DENND4C: variants seen among roughly 807,000 people sequenced by gnomAD.
DENND4C encodes DENN domain containing 4C.
DENND4C carries 108 observed loss-of-function variants against 203.0 expected under a neutral mutation model. The observed-to-expected ratio is 0.53, with a 90% CI of 0.46 to 0.62. DENND4C has a LOEUF of 0.62. Among genes scored for constraint, DENND4C ranks in the 20% least tolerant of loss-of-function variants. The pLI, the probability that DENND4C is intolerant of heterozygous loss-of-function variation, is 0.00. For missense variants in DENND4C, 2,481 were observed against 2,301.2 expected, an observed-to-expected ratio of 1.08 and a Z score of -1.60; for synonymous variants, 871 against 792.4, an observed-to-expected ratio of 1.10 and a Z score of -1.67.
intron 1 of DENND4C, among the ~76,000 whole-genome samples, chr9:19,271,576 A>T (rs1162774448): frequency 1.3e-5 from 2 of 152,176 alleles, no homozygotes; most frequent in African/African-American, 4.8e-5. Flanking sequence ...GAAAAAGAAC[A>T]GCAGTGAGGC....
intron 12 of DENND4C, among the ~76,000 whole-genome samples, chr9:19,323,897 C>G (rs916637201): frequency 6.6e-6 from 1 of 152,116 alleles, no homozygotes; most frequent in Non-Finnish European, 1.5e-5. Flanking sequence ...TTGAGCTTCC[C>G]TAATCTAAAA....
chr9:19,336,820 C>T lies in DENND4C; in HGVS notation c.2869C>T (p.His957Tyr), dbSNP rs1820582512. The T allele has an allele frequency of 1.3e-6, 2 of 1,549,070 alleles. No homozygotes were observed. The highest frequency in any genetic ancestry group is 2.7e-5 in the African/African-American group (2 of 73,142). The change falls in exon 20 of 33, where the codon CAC (histidine) becomes TAC (tyrosine). Residue 957 changes from histidine to tyrosine, a missense_variant. His to Tyr is a moderately conservative substitution (Grantham distance 83). Coordinates refer to ENST00000434457, the MANE Select transcript of DENND4C (RefSeq NM_001330640.2). ...DLIRLESIDNHSSTGGQSDQG... is the reference protein window; with the variant it reads ...DLIRLESIDNYSSTGGQSDQG... ...AATCAGGCTTGAGTCCATTGATAATCACTCTAGCACAGGTACTAAAATCCA... is the reference window on the plus strand; with the variant it reads ...AATCAGGCTTGAGTCCATTGATAATTACTCTAGCACAGGTACTAAAATCCA...
At chr9:19,351,935 T>C (rs949288886) in intron 24 of DENND4C, 138 bp from the exon 25 acceptor site, 3 of 617,366 alleles carry the variant, frequency 4.9e-6, no homozygotes, top group African/African-American at 1.8e-5. Flanking sequence ...TTTCTATGTA[T>C]GCATACATTT....
At chr9:19,271,872 A>G (rs1831763053) in intron 1 of DENND4C, among the ~76,000 whole-genome samples, 1 of 149,890 alleles carries the variant, frequency 6.7e-6, no homozygotes, top group Non-Finnish European at 1.5e-5. Flanking sequence ...TCTGTCTCAA[A>G]AAAAAAAAAA....
chr9:19,280,980 A>G (rs886925106), intron 2 of DENND4C, among the ~76,000 whole-genome samples: 1 of 152,072 alleles, frequency 6.6e-6, no homozygotes, highest in Admixed American at 6.6e-5. Context: ...GACTCAAGCA[A>G]TCTGCTCACC....
chr9:19,293,642 G>A (rs1588859789), intron 5 of DENND4C, among the ~76,000 whole-genome samples: 1 of 152,200 alleles, frequency 6.6e-6, no homozygotes, highest in South Asian at 2.1e-4. Context: ...GGAATGGGCA[G>A]ATCAGAGGAA....
rs769465095 is a variant in DENND4C at position 19,342,666 on chromosome 9, A to T, written c.3038A>T (p.His1013Leu). The T allele has an allele frequency of 6.2e-7, 1 of 1,609,946 alleles. No individual in the cohort carries two copies. ...VCDASAIVAK[H>L]SQPSPEPHSP... is the part of the protein sequence containing the mutation. ...GATGCCTCTGCTATTGTGGCAAAAC[A>T]TTCACAACCTAGTCCAGAGCCTCAC... The change falls in exon 22 of 33, where the codon CAT becomes CTT. Residue 1013 changes from histidine to leucine, a missense_variant. Physicochemically the swap from His to Leu is moderately conservative, Grantham distance 99. Around this residue, in one of 3 missense-constraint regions of DENND4C, gnomAD observed 2,289 missense variants for 2,113.3 expected, o/e 1.08. Transcript: ENST00000434457.
chr9:19,231,031 G>A (rs563045301), intron 1 of DENND4C, among the ~76,000 whole-genome samples, 198 bp downstream of exon 1: 1 of 152,342 alleles, frequency 6.6e-6, no homozygotes, highest in South Asian at 2.1e-4. Context: ...CGCGGTTTCC[G>A]GGGGCGGGGA....
At chr9:19,274,565 G>T (rs1832472975) in intron 1 of DENND4C, among the ~76,000 whole-genome samples, 1 of 152,176 alleles carries the variant, frequency 6.6e-6, no homozygotes, top group Admixed American at 6.5e-5. Context: ...AAAGTGCTGG[G>T]ATTACAGGCG....
intron 9 of DENND4C, among the ~76,000 whole-genome samples, chr9:19,303,638 A>G (rs932314877): frequency 2.3e-4 from 35 of 152,184 alleles, no homozygotes; most frequent in Non-Finnish European, 5.1e-4. Flanking sequence ...CAAGTGCCCA[A>G]ATATTAAGTA....
chr9:19,244,981 C>G (rs1027871978), intron 1 of DENND4C, among the ~76,000 whole-genome samples: 8 of 152,064 alleles, frequency 5.3e-5, no homozygotes, highest in Admixed American at 1.3e-4. Context: ...TAGAAAAAAA[C>G]TTTATTAGAA....
At chr9:19,281,374 C>G (rs1293586010) in intron 2 of DENND4C, among the ~76,000 whole-genome samples, 2 of 152,106 alleles carry the variant, frequency 1.3e-5, no homozygotes, top group African/African-American at 2.4e-5. Flanking sequence ...ATGTTTTGGC[C>G]TGTTCTCCTC....
At chr9:19,237,434 C>T (rs964542700) in intron 1 of DENND4C, among the ~76,000 whole-genome samples, 8 of 152,134 alleles carry the variant, frequency 5.3e-5, no homozygotes, top group African/African-American at 1.9e-4. Flanking sequence ...TCACTGCAAC[C>T]TCCGCATCCC....
At chr9:19,257,465 A>C (rs561733460) in intron 1 of DENND4C, among the ~76,000 whole-genome samples, 5 of 152,306 alleles carry the variant, frequency 3.3e-5, no homozygotes, top group African/African-American at 9.6e-5. Context: ...AAAGATCTCA[A>C]ATCATTGACT....
chr9:19,360,647 G>A (rs960820433), intron 29 of DENND4C, among the ~76,000 whole-genome samples, 158 bp downstream of exon 29: 2 of 152,134 alleles, frequency 1.3e-5, no homozygotes, highest in East Asian at 3.8e-4. Flanking sequence ...AAAGTGTTAG[G>A]AACCTAAGAT....
intron 1 of DENND4C, among the ~76,000 whole-genome samples, chr9:19,243,436 C>T (rs113064737): frequency 0.029 from 4,457 of 152,248 alleles, 86 homozygotes; most frequent in Non-Finnish European, 0.048. Context: ...CAATGTCATG[C>T]AAGTATTACC....
Position 19,300,189 on chromosome 9 carries a change from G to T in DENND4C, c.1169G>T (p.Gly390Val), listed in dbSNP as rs774161371. The change falls in exon 9 of 33, where the codon GGA (glycine) becomes GTA (valine). Residue 390 changes from glycine (G) to valine (V), a missense_variant and splice_region_variant. Around this residue, in one of 3 missense-constraint regions of DENND4C, gnomAD observed 2,289 missense variants for 2,113.3 expected, o/e 1.08. Coordinates refer to ENST00000434457, the MANE Select transcript of DENND4C (RefSeq NM_001330640.2). ...QPVSTPLPLS[G>V]ANFSTLLMNL... ...ACTTTTCTCTTTTTTTTCCCTAGTG[G>T]AGCCAACTTTAGCACCTTGCTAATG... is the stretch of plus-strand genomic sequence containing the variant. The T allele has an allele frequency of 4.4e-6, 7 of 1,588,806 alleles. No individual in the cohort carries two copies. The African/African-American group carries it at 5.4e-5, about 12-fold the overall frequency.
At chr9:19,266,959 C>G (rs7873748) in intron 1 of DENND4C, among the ~76,000 whole-genome samples, 1 of 151,950 alleles carries the variant, frequency 6.6e-6, no homozygotes, top group African/African-American at 2.4e-5. Flanking sequence ...TTTATCACAT[C>G]GTGGTCAGAG....
chr9:19,300,969 C>G (rs1588875325), intron 9 of DENND4C, among the ~76,000 whole-genome samples: 1 of 152,094 alleles, frequency 6.6e-6, no homozygotes, highest in Non-Finnish European at 1.5e-5. Context: ...CACCTGAGGT[C>G]AGGAGTTCGA....
Sources: allele counts gnomAD v4.1 joint callset (sites outside exome capture counted in the v4.1 genomes callset), GRCh38; gene constraint gnomAD v4.1.1; regional missense constraint gnomAD v4.1.1; transcripts MANE v1.5; gene names NCBI Gene and HGNC (gene_info 2026-07-23, HGNC 2026-07-21).